The following TNC variants were observed in gnomAD, a reference collection of about 807,000 sequenced individuals.
The protein encoded by TNC is tenascin C.
A neutral mutation model predicts 202.4 loss-of-function variants in TNC; 109 were observed. The observed-to-expected ratio is 0.54, with a 90% CI of 0.46 to 0.63. The LOEUF (loss-of-function observed/expected upper bound fraction) is 0.63, where lower values mean the gene tolerates loss of function less well. Ranked by LOEUF, TNC falls within the 30% of genes least tolerant of loss-of-function variation. The pLI is 0.00. For synonymous variants in TNC, 1,007 were observed against 1,089.7 expected, an observed-to-expected ratio of 0.92 and a Z score of 1.50; for missense variants, 2,756 against 2,833.3, an observed-to-expected ratio of 0.97 and a Z score of 0.62.
intron 2 of TNC, among the ~76,000 whole-genome samples, chr9:115,087,698 C>CTTTTTTTTTTT (rs752435283): frequency 8.4e-5 from 10 of 119,734 alleles, no homozygotes; most frequent in Admixed American, 2.6e-4. Flanking sequence ...TCTTTCTTTT[C>CTTTTTTTTTTT]TTTTTTTTTT....
rs554877278 is a variant in TNC at position 115,087,853 on chromosome 9, C to T, written c.458-580G>A. ...AGTAGCTGGGACTCCAGGCGCCCGCCACCATGCCCGGCTAATTTTTTTTGC... is the reference window on the plus strand; with the variant it reads ...AGTAGCTGGGACTCCAGGCGCCCGCTACCATGCCCGGCTAATTTTTTTTGC... On this transcript the variant is annotated intron_variant, in intron 2 of 27. Transcript: ENST00000350763. Among the ~76,000 whole-genome samples, 23 of 152,102 alleles carry T rather than the reference C, an allele frequency of 1.5e-4. No homozygotes were observed. The East Asian group carries it at 3.7e-3, about 24-fold the overall frequency.
intron 10 of TNC, among the ~76,000 whole-genome samples, chr9:115,066,077 C>A (rs1459285529): frequency 1.3e-5 from 2 of 151,960 alleles, no homozygotes; most frequent in South Asian, 2.1e-4. Flanking sequence ...TAAGGCTGAG[C>A]TAAGGAAGGT....
intron 9 of TNC, among the ~76,000 whole-genome samples, chr9:115,075,439 T>C (rs1033079543): frequency 6.6e-6 from 1 of 152,188 alleles, no homozygotes; most frequent in African/African-American, 2.4e-5. Context: ...TGCAACTGAT[T>C]ACCAACTTAC....
At chr9:115,054,990 G>A (rs1292114800) in intron 15 of TNC, among the ~76,000 whole-genome samples, 1 of 152,174 alleles carries the variant, frequency 6.6e-6, no homozygotes, top group Non-Finnish European at 1.5e-5. Context: ...GTGATTCAGA[G>A]TCTATTCTCA....
At chr9:115,039,195 G>T (rs949570933) in intron 19 of TNC, among the ~76,000 whole-genome samples, 1 of 152,148 alleles carries the variant, frequency 6.6e-6, no homozygotes, top group African/African-American at 2.4e-5. Context: ...ATAAAGCCAG[G>T]CTCTGGAGGC....
Position 115,110,715 on chromosome 9 carries a change from A to T in TNC, c.-137+7267T>A, listed in dbSNP as rs191207024. ...ACACTGACTGTCTTGCTTTAGAATA[A>T]AATACATTTGGAATCATTGCCGTGA... On this transcript the variant is annotated intron_variant, in intron 1 of 27. Coordinates refer to ENST00000350763, the MANE Select transcript of TNC (RefSeq NM_002160.4). Among the ~76,000 whole-genome samples the T allele has an allele frequency of 6.6e-4, 100 of 152,342 alleles. No homozygotes were observed. In the Middle Eastern group the frequency reaches 0.01, roughly 16 times the overall value.
chr9:115,112,144 T>C (rs566964647), intron 1 of TNC, among the ~76,000 whole-genome samples: 3 of 152,342 alleles, frequency 2.0e-5, no homozygotes, highest in African/African-American at 7.2e-5. Context: ...TTTTCTTTTC[T>C]AAAAGAATGT....
At chr9:115,033,875 G>A (rs1830126667) in intron 22 of TNC, among the ~76,000 whole-genome samples, 1 of 152,212 alleles carries the variant, frequency 6.6e-6, no homozygotes, top group Non-Finnish European at 1.5e-5. Context: ...GAAGAAGGCT[G>A]AGGTTAACTA....
At chr9:115,084,180 G>A in intron 4 of TNC, 29 bp downstream of exon 4, 1 of 1,605,528 alleles carries the variant, frequency 6.2e-7, no homozygotes, top group Non-Finnish European at 8.5e-7. Context: ...CATCAGGTGA[G>A]GCTGCCCAAA....
intron 1 of TNC, among the ~76,000 whole-genome samples, chr9:115,096,764 T>C (rs1467881104): frequency 6.6e-6 from 1 of 152,208 alleles, no homozygotes; most frequent in Non-Finnish European, 1.5e-5. Context: ...AATGCTATTG[T>C]CCTTTGCAGA....
intron 10 of TNC, among the ~76,000 whole-genome samples, chr9:115,070,417 C>T (rs1833376548): frequency 6.6e-6 from 1 of 152,166 alleles, no homozygotes; most frequent in Non-Finnish European, 1.5e-5. Context: ...GCCCAAGAGG[C>T]CATGGTGAAG....
At chr9:115,039,196 CT>C (rs1160922505) in intron 19 of TNC, among the ~76,000 whole-genome samples, 1 of 152,204 alleles carries the variant, frequency 6.6e-6, no homozygotes, top group Non-Finnish European at 1.5e-5. Flanking sequence ...TAAAGCCAGG[CT>C]CTGGAGGCCG....
intron 1 of TNC, among the ~76,000 whole-genome samples, chr9:115,115,947 G>C (rs1181795263): frequency 6.6e-6 from 1 of 152,176 alleles, no homozygotes; most frequent in Non-Finnish European, 1.5e-5. Flanking sequence ...TAAAAATCAT[G>C]ATCTTAGAAT....
At chr9:115,033,389 A>G (rs932114754) in intron 22 of TNC, among the ~76,000 whole-genome samples, 22 of 152,208 alleles carry the variant, frequency 1.4e-4, no homozygotes, top group African/African-American at 5.3e-4. Context: ...ACTTAGGAAT[A>G]CAATTACCTG....
chr9:115,036,795 G>A (rs561339429), intron 20 of TNC, among the ~76,000 whole-genome samples: 80 of 152,190 alleles, frequency 5.3e-4, no homozygotes, highest in Non-Finnish European at 9.6e-4. Context: ...CATTGCTTGG[G>A]GGCATGTGTT....
intron 1 of TNC, among the ~76,000 whole-genome samples, chr9:115,110,950 G>A (rs1190779545): frequency 1.3e-5 from 2 of 151,006 alleles, no homozygotes; most frequent in African/African-American, 2.4e-5. Flanking sequence ...TGTGATCTCG[G>A]CTAACTGCAA....
At chr9:115,108,554 GC>G in intron 1 of TNC, among the ~76,000 whole-genome samples, 1 of 152,212 alleles carries the variant, frequency 6.6e-6, no homozygotes, top group South Asian at 2.1e-4. Flanking sequence ...CATTGTTTAT[GC>G]CCTTACCTTG....
In TNC at chr9:115,090,944, G is replaced by C. The variant is rs62638691; in HGVS notation, c.75C>G (p.Leu25=). ...FLALATEGGV[L]KKVIRHKRQS... ...GTCGCTTGTGCCGGATGACTTTCTT[G>C]AGGACCCCACCTTCGGTAGCGAGGG... is the stretch of plus-strand genomic sequence containing the variant. Residue 25 remains leucine, a synonymous_variant, in exon 2 of 28, where the codon CTC becomes CTG. Transcript: ENST00000350763. 1,516 of 1,614,100 alleles carry C rather than the reference G, an allele frequency of 9.4e-4. 10 individuals carry two copies. In the African/African-American group the frequency reaches 0.017, roughly 18 times the overall value.
At position 115,078,141 on chromosome 9, in the gene TNC, G is replaced by T. The variant is rs777173710; in HGVS notation, c.2476C>A (p.Pro826Thr). ...DTTALITWFK[P>T]LAEIDGIELT... ...TCAATGCCATCGATCTCAGCCAGGGGCTTGAACCAGGTGATCAAGGCAGTG... is the reference window on the plus strand; with the variant it reads ...TCAATGCCATCGATCTCAGCCAGGGTCTTGAACCAGGTGATCAAGGCAGTG... The change falls in exon 7 of 28, where the codon CCC becomes ACC. Residue 826 changes from proline (P) to threonine (T), a missense_variant. Pro to Thr is a conservative substitution (Grantham distance 38). This residue lies in a region of TNC where 2,559 missense variants were observed against 2,546.0 expected (regional missense o/e 1.01). Transcript: ENST00000350763. 1 of 1,614,110 alleles carries T rather than the reference G, an allele frequency of 6.2e-7. No homozygotes were observed. Among genetic ancestry groups the T allele is most frequent in the Non-Finnish European group, 8.5e-7 (1 of 1,179,958 alleles).
Sources: allele counts gnomAD v4.1 joint callset (sites outside exome capture counted in the v4.1 genomes callset), GRCh38; gene constraint gnomAD v4.1.1; regional missense constraint gnomAD v4.1.1; transcripts MANE v1.5; gene names NCBI Gene and HGNC (gene_info 2026-07-23, HGNC 2026-07-21).